The following BRINP1 variants were observed in gnomAD, a reference collection of about 807,000 sequenced individuals.
BRINP1 encodes BMP/retinoic acid inducible neural specific 1.
Under a neutral mutation model 72.9 loss-of-function variants are expected in BRINP1, and 17 were observed. That is an observed-to-expected ratio of 0.23 (90% CI 0.16 to 0.35). BRINP1 has a LOEUF of 0.35. Ranked by LOEUF, BRINP1 falls within the 10% of genes least tolerant of loss-of-function variation. BRINP1 has a pLI of 1.00. For missense variants in BRINP1, 850 were observed against 1,001.6 expected (o/e 0.85, Z 2.04); for synonymous variants, 418 against 378.5 (o/e 1.10, Z -1.21).
intron 1 of BRINP1, among the ~76,000 whole-genome samples, chr9:119,327,145 CTTT>C (rs1831249223): frequency 6.6e-6 from 1 of 152,090 alleles, no homozygotes; most frequent in South Asian, 2.1e-4. Flanking sequence ...GACCAAGATT[CTTT>C]TTTATTTTAT....
chr9:119,292,658 G>GT (rs1275325871), intron 2 of BRINP1, among the ~76,000 whole-genome samples: 1 of 152,204 alleles, frequency 6.6e-6, no homozygotes, highest in East Asian at 1.9e-4. Context: ...AGTATGAAAA[G>GT]TATGTGAATT....
chr9:119,317,180 G>A (rs2119000291), intron 1 of BRINP1, among the ~76,000 whole-genome samples: 1 of 152,238 alleles, frequency 6.6e-6, no homozygotes, highest in Middle Eastern at 3.4e-3. Context: ...TCTGGGCATT[G>A]CACATTGGAA....
At chr9:119,324,883 T>C (rs1831223871) in intron 1 of BRINP1, among the ~76,000 whole-genome samples, 1 of 152,154 alleles carries the variant, frequency 6.6e-6, no homozygotes, top group South Asian at 2.1e-4. Flanking sequence ...GCAGATCACC[T>C]GAGGTTGGGA....
intron 2 of BRINP1, among the ~76,000 whole-genome samples, chr9:119,249,697 C>T (rs555774494): frequency 4.6e-5 from 7 of 151,936 alleles, no homozygotes; most frequent in Non-Finnish European, 1.0e-4. Context: ...GTAAATGACA[C>T]CACAAGAATA....
At chr9:119,224,273 A>G (rs1219437779) in intron 5 of BRINP1, among the ~76,000 whole-genome samples, 2 of 152,126 alleles carry the variant, frequency 1.3e-5, no homozygotes, top group Admixed American at 6.6e-5. Context: ...TCTAACTTTT[A>G]TAATAGTAGA....
At chr9:119,312,256 T>C (rs1037565486) in intron 2 of BRINP1, among the ~76,000 whole-genome samples, 4 of 152,086 alleles carry the variant, frequency 2.6e-5, no homozygotes, top group Non-Finnish European at 4.4e-5. Context: ...CCTGAGAGAG[T>C]TTTTTGCATT....
intron 7 of BRINP1, among the ~76,000 whole-genome samples, chr9:119,183,087 A>G (rs1035885183): frequency 6.6e-6 from 1 of 152,220 alleles, no homozygotes; most frequent in Non-Finnish European, 1.5e-5. Flanking sequence ...ACTTGCATCA[A>G]CAAATTCAGA....
At chr9:119,302,218 T>C (rs1279276161) in intron 2 of BRINP1, among the ~76,000 whole-genome samples, 1 of 152,310 alleles carries the variant, frequency 6.6e-6, no homozygotes, top group South Asian at 2.1e-4. Flanking sequence ...TCAATGTTAG[T>C]ATGTGTGTGA....
In BRINP1 at chr9:119,167,490, G is replaced by A; in HGVS notation, c.1880C>T (p.Thr627Ile). ...CTGGCCAGTCTCATTTCGCAGTAGG[G>A]TAGGTAGCCGAGTCCGACTACGTAG... is the stretch of plus-strand genomic sequence containing the variant. ...IYLRSRTRLPTLLRNETGQGP... is the reference protein window; with the variant it reads ...IYLRSRTRLPILLRNETGQGP... The change falls in exon 8 of 8, where the codon ACC becomes ATC. Residue 627 changes from threonine to isoleucine, a missense_variant. By Grantham distance (89) the Thr-to-Ile change is moderately conservative. Coordinates refer to ENST00000265922, the MANE Select transcript of BRINP1 (RefSeq NM_014618.3). The surrounding 1 kb of genome is among the most constrained non-coding windows in gnomAD (Gnocchi z 4.3). The A allele has an allele frequency of 6.2e-7, 1 of 1,614,130 alleles. No homozygotes were observed. Among genetic ancestry groups the A allele is most frequent in the Non-Finnish European group, 8.5e-7 (1 of 1,180,012 alleles).
chr9:119,349,136 G>GA (rs892135926), intron 1 of BRINP1, among the ~76,000 whole-genome samples: 2 of 152,028 alleles, frequency 1.3e-5, no homozygotes, highest in Non-Finnish European at 2.9e-5. Flanking sequence ...CAGTTTATTA[G>GA]AAAAACCCCC....
chr9:119,211,337 A>G (rs1829924737), intron 6 of BRINP1, among the ~76,000 whole-genome samples: 1 of 152,168 alleles, frequency 6.6e-6, no homozygotes, highest in African/African-American at 2.4e-5. Flanking sequence ...AGCTGGGATT[A>G]CAGGCATGTG....
chr9:119,196,983 A>C (rs1191967103), intron 7 of BRINP1, among the ~76,000 whole-genome samples: 2 of 152,222 alleles, frequency 1.3e-5, no homozygotes, highest in Non-Finnish European at 2.9e-5. Flanking sequence ...CAGTGCAGCA[A>C]AGGCTATGTC....
chr9:119,227,306 C>T (rs920186231), intron 5 of BRINP1, among the ~76,000 whole-genome samples: 5 of 151,900 alleles, frequency 3.3e-5, no homozygotes, highest in African/African-American at 4.8e-5. Flanking sequence ...TCATTCTATC[C>T]GATTTCTAAT....
intron 2 of BRINP1, among the ~76,000 whole-genome samples, chr9:119,301,942 T>C (rs1470210709): frequency 6.6e-6 from 1 of 152,210 alleles, no homozygotes; most frequent in Non-Finnish European, 1.5e-5. Context: ...ATTCTTTCAA[T>C]TATAACAGAA....
chr9:119,354,425 G>C (rs1831538251), intron 1 of BRINP1, among the ~76,000 whole-genome samples: 1 of 152,150 alleles, frequency 6.6e-6, no homozygotes, highest in Admixed American at 6.5e-5. Context: ...TGGCAAGGTG[G>C]GGATGATCTC....
intron 5 of BRINP1, among the ~76,000 whole-genome samples, chr9:119,234,986 A>C (rs1035976458): frequency 2.0e-5 from 3 of 152,100 alleles, no homozygotes; most frequent in African/African-American, 7.2e-5. Flanking sequence ...TCTAAATTCT[A>C]TATGGTCTTT....
At chr9:119,277,859 T>C (rs1830672047) in intron 2 of BRINP1, among the ~76,000 whole-genome samples, 2 of 152,150 alleles carry the variant, frequency 1.3e-5, no homozygotes, top group African/African-American at 4.8e-5. Context: ...TATCTTCCAC[T>C]CTATTCTTAT....
chr9:119,272,563 C>G (rs76768653), intron 2 of BRINP1, among the ~76,000 whole-genome samples: 3,616 of 152,264 alleles, frequency 0.024, 115 homozygotes, highest in African/African-American at 0.08. Context: ...AAAGTCCTAA[C>G]AAGCTAGCTC....
At chr9:119,359,216 T>G (rs1273577115) in intron 1 of BRINP1, among the ~76,000 whole-genome samples, 1 of 152,156 alleles carries the variant, frequency 6.6e-6, no homozygotes, top group East Asian at 1.9e-4. Context: ...ATTTTTGAGA[T>G]AGAATCTGAC....
Sources: allele counts gnomAD v4.1 joint callset (sites outside exome capture counted in the v4.1 genomes callset), GRCh38; gene constraint gnomAD v4.1.1; non-coding constraint Gnocchi (gnomAD v3.1); transcripts MANE v1.5; gene names NCBI Gene and HGNC (gene_info 2026-07-23, HGNC 2026-07-21).